Variants in TRIM69 observed in about 807,000 individuals in gnomAD.
TRIM69 encodes the protein E3 ubiquitin-protein ligase TRIM69.
A neutral mutation model predicts 37.7 loss-of-function variants in TRIM69; 29 were observed. The ratio of observed to expected loss-of-function variants is 0.77; its 90% CI spans 0.57 to 1.05. TRIM69 has a LOEUF of 1.05. Among genes scored for constraint, TRIM69 ranks in the 50% least tolerant of loss-of-function variants. TRIM69 has a pLI of 0.00. For synonymous variants in TRIM69, 209 were observed against 212.4 expected, an observed-to-expected ratio of 0.98 and a Z score of 0.14; for missense variants, 596 against 579.9, an observed-to-expected ratio of 1.03 and a Z score of -0.28.
intron 4 of TRIM69, among the ~76,000 whole-genome samples, chr15:44,759,095 A>C (rs1239347308): frequency 6.6e-6 from 1 of 152,250 alleles, no homozygotes; most frequent in Non-Finnish European, 1.5e-5. Context: ...CATTAATAAT[A>C]GTATATAGTA....
In TRIM69 at chr15:44,754,760, G is replaced by T. The variant is rs79517427; in HGVS notation, c.7-140G>T. 164 of 680,220 alleles carry T rather than the reference G, an allele frequency of 2.4e-4. No individual in the cohort carries two copies. In the African/African-American group the frequency reaches 2.7e-3, roughly 11 times the overall value. 42.1% of individuals were successfully genotyped at this position (680,220 alleles called of 1,614,324 possible). On this transcript the variant is annotated intron_variant, in intron 1 of 6. Coordinates refer to ENST00000329464, the MANE Select transcript of TRIM69 (RefSeq NM_182985.5). ...ATTTCAGAAAACACTCAAGTTACTG[G>T]TTCACTTTCAAAGGAGAGATTATGT...
chr15:44,737,919 GA>G (rs915101994), intron 1 of TRIM69, among the ~76,000 whole-genome samples: 19 of 150,922 alleles, frequency 1.3e-4, no homozygotes, highest in Admixed American at 6.6e-4. Context: ...AACTTCTCAG[GA>G]AAAAAAAATC....
intron 1 of TRIM69, 114 bp downstream of exon 1, chr15:44,736,824 G>GTATTTAA: frequency 7.9e-7 from 1 of 1,271,770 alleles, no homozygotes; most frequent in Non-Finnish European, 1.1e-6. Flanking sequence ...ATGAAGGGAA[G>GTATTTAA]TATTTAACTT....
intron 6 of TRIM69, among the ~76,000 whole-genome samples, chr15:44,762,842 T>C (rs1436582878): frequency 6.6e-6 from 1 of 152,156 alleles, no homozygotes; most frequent in Admixed American, 6.5e-5. Context: ...CTGATTTTAT[T>C]GTTTGATTGT....
Position 44,767,432 on chromosome 15 carries a change from C to CA in TRIM69, c.1167dup (p.Trp390MetfsTer21), listed in dbSNP as rs761758995. 4 of 1,614,036 alleles carry CA rather than the reference C, an allele frequency of 2.5e-6. No homozygotes were observed. Among genetic ancestry groups the CA allele is most frequent in the Non-Finnish European group, 3.4e-6 (4 of 1,180,036 alleles). ...TGGGAAGTAGAAGTAGCAAAGAAGA[C>CA]AAAATGGACAGTTGGAGTTGTCAGA... On this transcript the variant is annotated frameshift_variant, in exon 7 of 7. Transcript: ENST00000329464. LOFTEE classifies it high-confidence loss of function.
At chr15:44,738,170 T>C (rs540865855) in intron 1 of TRIM69, among the ~76,000 whole-genome samples, 28 of 151,236 alleles carry the variant, frequency 1.9e-4, no homozygotes, top group African/African-American at 6.8e-4. Context: ...GTGATTCTCA[T>C]GCCTCAGCAT....
chr15:44,743,868 C>T (rs1254930416), intron 1 of TRIM69, among the ~76,000 whole-genome samples: 1 of 152,178 alleles, frequency 6.6e-6, no homozygotes, highest in African/African-American at 2.4e-5. Context: ...GGACTGTAAA[C>T]TAGTTCAACC....
chr15:44,749,607 G>C (rs2141320248), intron 1 of TRIM69, among the ~76,000 whole-genome samples: 1 of 152,218 alleles, frequency 6.6e-6, no homozygotes, highest in East Asian at 1.9e-4. Context: ...GTATGAATAT[G>C]GCACACTTTT....
intron 1 of TRIM69, among the ~76,000 whole-genome samples, chr15:44,745,536 G>A (rs2087388152): frequency 6.6e-6 from 1 of 152,056 alleles, no homozygotes; most frequent in Non-Finnish European, 1.5e-5. Context: ...AGGAGAAAAG[G>A]AAATTAATAG....
At position 44,758,850 on chromosome 15, in the gene TRIM69, T is replaced by G; in HGVS notation, c.809T>G (p.Leu270Arg). The change falls in exon 4 of 7, where the codon CTC becomes CGC. Residue 270 changes from leucine (L) to arginine (R), a missense_variant. Transcript: ENST00000329464. ...GAACAACAGAACTCCTTCGACTTTC[T>G]CAAAGTGAGAATCCACACCAATATG... is the stretch of plus-strand genomic sequence containing the variant. Reference protein sequence around the residue: ...KTEQQNSFDFLKDITTLLHSL... With the variant: ...KTEQQNSFDFRKDITTLLHSL... 1.9e-6 allele frequency: 3 copies of G among 1,611,482 alleles called. No homozygotes were observed. The highest frequency in any genetic ancestry group is 2.5e-6 in the Non-Finnish European group (3 of 1,178,762).
chr15:44,736,846 T>C (rs1006147051), intron 1 of TRIM69, 136 bp downstream of exon 1: 4 of 946,908 alleles, frequency 4.2e-6, no homozygotes, highest in African/African-American at 1.7e-5. Context: ...TGACAGCTGG[T>C]AGCTACTATA....
intron 1 of TRIM69, among the ~76,000 whole-genome samples, chr15:44,745,511 A>G (rs1418999709): frequency 2.0e-5 from 3 of 152,196 alleles, no homozygotes; most frequent in Admixed American, 6.5e-5. Flanking sequence ...AAATAAGAAC[A>G]TATGGCCCAT....
At chr15:44,745,308 T>C (rs1335373370) in intron 1 of TRIM69, among the ~76,000 whole-genome samples, 1 of 152,088 alleles carries the variant, frequency 6.6e-6, no homozygotes, top group African/African-American at 2.4e-5. Flanking sequence ...ACTACTAAGT[T>C]CATGGGACAG....
intron 6 of TRIM69, among the ~76,000 whole-genome samples, chr15:44,765,718 C>T (rs1425074084): frequency 4.6e-5 from 7 of 151,834 alleles, no homozygotes; most frequent in African/African-American, 1.7e-4. Flanking sequence ...TGTGCCACTG[C>T]ACTCCAGCCT....
At chr15:44,766,823 T>C (rs3110674) in intron 6 of TRIM69, among the ~76,000 whole-genome samples, 3,986 of 151,744 alleles carry the variant, frequency 0.026, 154 homozygotes, top group African/African-American at 0.088. Context: ...TTGAGAGGCC[T>C]AGGCAGGTGG....
intron 1 of TRIM69, among the ~76,000 whole-genome samples, chr15:44,739,486 G>T (rs1232306846): frequency 2.0e-5 from 3 of 152,226 alleles, no homozygotes; most frequent in African/African-American, 7.2e-5. Context: ...CAAAGAAAGG[G>T]GTGACAGACG....
chr15:44,758,767 G>A lies in TRIM69; in HGVS notation c.726G>A (p.Gln242=). 1 of 1,614,170 alleles carries A rather than the reference G, an allele frequency of 6.2e-7. No homozygotes were observed. Among genetic ancestry groups the A allele is most frequent in the Non-Finnish European group, 8.5e-7 (1 of 1,180,018 alleles). The change falls in exon 4 of 7, where the codon CAG becomes CAA. Residue 242 remains glutamine, a synonymous_variant. Coordinates refer to ENST00000329464, the MANE Select transcript of TRIM69 (RefSeq NM_182985.5). ...AGGAGATGGAGTTGAATCTGAGCCA[G>A]CTTCAGGAGCAATGTCTCTTAGCCA... ...LNEEMELNLS[Q]LQEQCLLAKD...
Position 44,752,543 on chromosome 15 carries a change from G to A in TRIM69, c.7-2357G>A, listed in dbSNP as rs1331277788. 3.9e-5 allele frequency among the ~76,000 whole-genome samples: 6 copies of A among 152,216 alleles called. No individual in the cohort carries two copies. In the East Asian group the frequency reaches 1.2e-3, roughly 29 times the overall value. ...TTCTAAGGTGAGTCTCCTGTAGACA[G>A]CCTATAGTTGGGTCATATTATTTTT... is the stretch of plus-strand genomic sequence containing the variant. On this transcript the variant is annotated intron_variant, in intron 1 of 6. Transcript: ENST00000329464.
intron 6 of TRIM69, among the ~76,000 whole-genome samples, chr15:44,760,207 A>G (rs2087747419): frequency 6.6e-6 from 1 of 152,280 alleles, no homozygotes; most frequent in Admixed American, 6.5e-5. Context: ...AAGAAGGAGG[A>G]GGTTTCTGAA....
Sources: gnomAD v4.1 joint callset for allele counts (sites outside exome capture counted in the v4.1 genomes callset) on GRCh38, gnomAD v4.1.1 for gene constraint, MANE v1.5 for transcripts, NCBI Gene and HGNC (gene_info 2026-07-23, HGNC 2026-07-21) for gene names.